Variants in PTPRG observed in about 807,000 individuals in gnomAD.
PTPRG encodes the protein receptor-type tyrosine-protein phosphatase gamma.
A neutral mutation model predicts 165.3 loss-of-function variants in PTPRG; 102 were observed. That is an observed-to-expected ratio of 0.62 (90% CI 0.53 to 0.73). PTPRG has a LOEUF of 0.73. Among genes scored for constraint, PTPRG ranks in the 30% least tolerant of loss-of-function variants. The pLI, the probability that PTPRG is intolerant of heterozygous loss-of-function variation, is 0.00. For missense variants in PTPRG, 1,866 were observed against 1,861.4 expected (o/e 1.00, Z -0.05); for synonymous variants, 675 against 669.5 (o/e 1.01, Z -0.13).
rs564185946 is a variant in PTPRG at position 61,613,996 on chromosome 3, T to G, written c.85+51624T>G. Among the ~76,000 whole-genome samples, 9 of 152,338 alleles carry G rather than the reference T, an allele frequency of 5.9e-5. No individual in the cohort carries two copies. In the South Asian group the frequency reaches 1.9e-3, roughly 32 times the overall value. On this transcript the variant is annotated intron_variant, in intron 1 of 29. Coordinates refer to ENST00000474889, the MANE Select transcript of PTPRG (RefSeq NM_002841.4). ...CTCTCTAAATTTACTGCTATTGACT[T>G]GGTGAGCTACCATCCTCCCTGGGTT...
chr3:61,878,111 A>G (rs1483100661), intron 2 of PTPRG, among the ~76,000 whole-genome samples: 1 of 152,216 alleles, frequency 6.6e-6, no homozygotes, highest in Non-Finnish European at 1.5e-5. Context: ...ATATTCTGAC[A>G]TTTATCACCC....
intron 4 of PTPRG, among the ~76,000 whole-genome samples, chr3:62,012,748 G>T (rs1174622724): frequency 6.6e-6 from 1 of 152,106 alleles, no homozygotes; most frequent in Non-Finnish European, 1.5e-5. Flanking sequence ...AAAAGATTTT[G>T]GATTTTTAAG....
chr3:62,184,398 G>A (rs1212585621), intron 8 of PTPRG, among the ~76,000 whole-genome samples: 3 of 152,146 alleles, frequency 2.0e-5, no homozygotes, highest in East Asian at 1.9e-4. Flanking sequence ...AGTCCTACGC[G>A]GGCTGCTGAG....
intron 2 of PTPRG, among the ~76,000 whole-genome samples, chr3:61,754,639 A>G (rs2106939780): frequency 6.6e-6 from 1 of 152,296 alleles, no homozygotes; most frequent in East Asian, 1.9e-4. Context: ...GGAATTTACT[A>G]AGGGGAGTCC....
At chr3:62,180,681 A>T (rs558529718) in intron 8 of PTPRG, among the ~76,000 whole-genome samples, 13 of 152,288 alleles carry the variant, frequency 8.5e-5, no homozygotes, top group South Asian at 2.1e-4. Flanking sequence ...GGCTGGGAAG[A>T]TGCATCATCC....
intron 28 of PTPRG, among the ~76,000 whole-genome samples, chr3:62,287,850 T>G (rs1702728762): frequency 1.3e-5 from 2 of 152,114 alleles, no homozygotes; most frequent in Non-Finnish European, 2.9e-5. Flanking sequence ...ATGGTTTATT[T>G]ATATACATAG....
chr3:61,924,217 G>T (rs1329268758), intron 2 of PTPRG, among the ~76,000 whole-genome samples: 1 of 152,124 alleles, frequency 6.6e-6, no homozygotes, highest in Non-Finnish European at 1.5e-5. Flanking sequence ...CTGTCCTTCT[G>T]TCTGCCAGAA....
intron 5 of PTPRG, among the ~76,000 whole-genome samples, chr3:62,117,631 G>T (rs1259486239): frequency 1.3e-5 from 2 of 152,136 alleles, no homozygotes; most frequent in East Asian, 3.9e-4. Context: ...GGCTTACTGT[G>T]GAAGAGGCAC....
intron 2 of PTPRG, among the ~76,000 whole-genome samples, chr3:61,877,835 G>A (rs1021206745): frequency 1.3e-5 from 2 of 152,194 alleles, no homozygotes; most frequent in Non-Finnish European, 2.9e-5. Context: ...TATTGGGTTA[G>A]CGACCTTTCA....
intron 2 of PTPRG, among the ~76,000 whole-genome samples, chr3:61,774,995 G>T (rs1430176244): frequency 6.6e-6 from 1 of 152,132 alleles, no homozygotes; most frequent in East Asian, 1.9e-4. Context: ...TTCCCAACAG[G>T]TGACCTCCTT....
rs765996492 is a variant in PTPRG, at chr3:61,989,713, G to T, written c.279G>T (p.Ala93=). The change falls in exon 3 of 30, where the codon GCG becomes GCT. Residue 93 remains alanine (A), a synonymous_variant. Transcript: ENST00000474889. The part of the protein sequence containing the change: ...QSPIDILDQY[A]RVGEEYQELQ... ...CTATTGACATTTTAGACCAGTATGC[G>T]CGTGTTGGGGAAGAATACCAGGAAC... 6.2e-7 allele frequency: 1 copy of T among 1,614,030 alleles called. No homozygotes were observed. The highest frequency in any genetic ancestry group is 8.5e-7 in the Non-Finnish European group (1 of 1,180,020).
At chr3:61,870,270 T>C (rs1206062768) in intron 2 of PTPRG, among the ~76,000 whole-genome samples, 1 of 151,974 alleles carries the variant, frequency 6.6e-6, no homozygotes, top group Non-Finnish European at 1.5e-5. Flanking sequence ...GTACATAACA[T>C]ACTTTCCTGA....
intron 2 of PTPRG, among the ~76,000 whole-genome samples, chr3:61,937,575 A>G (rs941906012): frequency 6.6e-6 from 1 of 152,002 alleles, no homozygotes; most frequent in Non-Finnish European, 1.5e-5. Context: ...AACCAACTTT[A>G]CTCTGATGAA....
rs937947867 is a variant in PTPRG, at chr3:61,621,394, G to A, written c.85+59022G>A. ...CGTGGTATGTGCTATAGATGGGATT[G>A]GATTAATACTAAACATTTCAGCAGC... On this transcript the variant is annotated intron_variant, in intron 1 of 29. Transcript: ENST00000474889. 4.6e-5 allele frequency among the ~76,000 whole-genome samples: 7 copies of A among 152,114 alleles called. No homozygotes were observed. In the South Asian group the frequency reaches 1.0e-3, roughly 23 times the overall value.
At chr3:61,957,122 G>T (rs541408551) in intron 2 of PTPRG, among the ~76,000 whole-genome samples, 4 of 152,192 alleles carry the variant, frequency 2.6e-5, no homozygotes, top group Non-Finnish European at 4.4e-5. Context: ...ATAAAGCCAT[G>T]TATGTTTAAC....
At chr3:62,144,309 T>TAC (rs1704040431) in intron 6 of PTPRG, among the ~76,000 whole-genome samples, 2 of 152,228 alleles carry the variant, frequency 1.3e-5, no homozygotes, top group African/African-American at 2.4e-5. Context: ...ACTCAGGTCA[T>TAC]TACTTACCAT....
intron 2 of PTPRG, among the ~76,000 whole-genome samples, chr3:61,983,535 A>G (rs1037121611): frequency 6.6e-6 from 1 of 152,102 alleles, no homozygotes; most frequent in East Asian, 1.9e-4. Flanking sequence ...ATTATTTTTA[A>G]TGGCTTTTCA....
At chr3:62,068,824 G>A (rs17065865) in intron 4 of PTPRG, among the ~76,000 whole-genome samples, 1,858 of 152,252 alleles carry the variant, frequency 0.012, 42 homozygotes, top group African/African-American at 0.038. Flanking sequence ...GATTCCTGCC[G>A]TAAAGTAGTT....
chr3:62,033,909 A>T (rs1341159895), intron 4 of PTPRG, among the ~76,000 whole-genome samples: 1 of 152,066 alleles, frequency 6.6e-6, no homozygotes, highest in Non-Finnish European at 1.5e-5. Flanking sequence ...CTGGGACTAC[A>T]GGCGCCCGCT....
Sources: allele counts gnomAD v4.1 joint callset (sites outside exome capture counted in the v4.1 genomes callset), GRCh38; gene constraint gnomAD v4.1.1; transcripts MANE v1.5; gene names NCBI Gene and HGNC (gene_info 2026-07-23, HGNC 2026-07-21).